Variants in ARRB1 observed in about 807,000 individuals in gnomAD.
The protein encoded by ARRB1 is beta-arrestin-1.
Under a neutral mutation model 56.8 loss-of-function variants are expected in ARRB1, and 21 were observed. The ratio of observed to expected loss-of-function variants is 0.37; its 90% CI spans 0.26 to 0.53. The LOEUF (loss-of-function observed/expected upper bound fraction) is 0.53, where lower values mean the gene tolerates loss of function less well. ARRB1 is among the 20% of genes least tolerant of loss of function. The pLI, the probability that ARRB1 is intolerant of heterozygous loss-of-function variation, is 0.88. For missense variants in ARRB1, 424 were observed against 553.7 expected, an observed-to-expected ratio of 0.77 and a Z score of 2.35; for synonymous variants, 210 against 218.6, an observed-to-expected ratio of 0.96 and a Z score of 0.35.
chr11:75,346,872 C>G (rs1487259422), intron 1 of ARRB1, among the ~76,000 whole-genome samples: 2 of 152,212 alleles, frequency 1.3e-5, no homozygotes, highest in African/African-American at 2.4e-5. Flanking sequence ...GGATCCAGAC[C>G]CTTCTATGCA....
At chr11:75,272,691 G>T (rs1363040615) in intron 12 of ARRB1, 1 of 577,312 alleles carries the variant, frequency 1.7e-6, no homozygotes, top group Non-Finnish European at 3.1e-6. Flanking sequence ...TAAGAGAGGG[G>T]CTGAGGGCCA....
intron 2 of ARRB1, among the ~76,000 whole-genome samples, chr11:75,288,313 T>A (rs1174239356): frequency 6.6e-6 from 1 of 152,244 alleles, no homozygotes; most frequent in Non-Finnish European, 1.5e-5. Flanking sequence ...TGTGAGGACT[T>A]GCCTTCTGAG....
At chr11:75,349,234 G>A (rs554975106) in intron 1 of ARRB1, among the ~76,000 whole-genome samples, 4 of 152,302 alleles carry the variant, frequency 2.6e-5, no homozygotes, top group South Asian at 4.1e-4. Flanking sequence ...GGATTTAGCC[G>A]GGCCTTGGCT....
intron 9 of ARRB1, 64 bp from the exon 10 acceptor site, chr11:75,276,975 G>GTGTCC (rs1591903045): frequency 1.5e-6 from 2 of 1,323,920 alleles, no homozygotes; most frequent in Non-Finnish European, 2.1e-6. Flanking sequence ...AGTCTCACAG[G>GTGTCC]CGTCCCCGGG....
intron 1 of ARRB1, among the ~76,000 whole-genome samples, chr11:75,318,097 G>C (rs1947291689): frequency 6.7e-6 from 1 of 150,276 alleles, no homozygotes; most frequent in Non-Finnish European, 1.5e-5. Context: ...CCCAGTCCTA[G>C]AGTTCTGATT....
At chr11:75,299,237 TAA>T (rs199578338) in intron 1 of ARRB1, among the ~76,000 whole-genome samples, 5 of 140,312 alleles carry the variant, frequency 3.6e-5, no homozygotes, top group African/African-American at 1.3e-4. Flanking sequence ...ACATCTCAAT[TAA>T]AAAAAAAAAC....
At chr11:75,324,059 A>C (rs1947389383) in intron 1 of ARRB1, among the ~76,000 whole-genome samples, 1 of 152,234 alleles carries the variant, frequency 6.6e-6, no homozygotes, top group African/African-American at 2.4e-5. Flanking sequence ...CACAGCAAGA[A>C]GCACAAACAC....
rs747809952 is a variant in ARRB1, at chr11:75,264,522, C to T, written c.*1641G>A. 3 of 152,296 alleles carry T rather than the reference C, an allele frequency of 2.0e-5. No individual in the cohort carries two copies. The highest frequency in any genetic ancestry group is 4.4e-5 in the Non-Finnish European group (3 of 68,118). The allele number at this position is 152,296 out of a possible 1,614,324, so 9.4% of individuals were successfully genotyped here. On this transcript the variant is annotated 3_prime_UTR_variant, in exon 16 of 16. Transcript: ENST00000420843. The stretch of plus-strand genomic sequence containing the variant: ...TCTGTCCCTCCTTGGGCAACTCATG[C>T]TACCTATGGCCACAGCCTGACATCA...
At chr11:75,307,915 T>C (rs1947066856) in intron 1 of ARRB1, among the ~76,000 whole-genome samples, 1 of 152,198 alleles carries the variant, frequency 6.6e-6, no homozygotes, top group Non-Finnish European at 1.5e-5. Flanking sequence ...GTGACCCAGA[T>C]GGGTATCCAC....
intron 14 of ARRB1, 72 bp from the exon 15 acceptor site, chr11:75,267,775 GC>G: frequency 7.4e-7 from 1 of 1,354,720 alleles, no homozygotes; most frequent in Admixed American, 1.8e-5. Context: ...GTAAGCACAG[GC>G]CCCCACCCTG....
intron 1 of ARRB1, among the ~76,000 whole-genome samples, chr11:75,332,273 A>T (rs1947534092): frequency 1.3e-5 from 2 of 152,228 alleles, no homozygotes; most frequent in Admixed American, 6.5e-5. Context: ...AGAAAATCAG[A>T]ATATTTTATC....
chr11:75,283,205 C>T (rs1946388211), intron 5 of ARRB1, 82 bp downstream of exon 5: 1 of 1,428,548 alleles, frequency 7.0e-7, no homozygotes, highest in Non-Finnish European at 9.5e-7. Context: ...AGCTGACCCT[C>T]ACCGCCCTCT....
intron 1 of ARRB1, among the ~76,000 whole-genome samples, chr11:75,310,120 C>A (rs1317774162): frequency 6.6e-6 from 1 of 152,120 alleles, no homozygotes; most frequent in Non-Finnish European, 1.5e-5. Flanking sequence ...GGGAGAACTG[C>A]GCAAATGGAA....
intron 11 of ARRB1, 34 bp from the exon 12 acceptor site, chr11:75,273,012 C>A (rs1946105272): frequency 1.9e-6 from 3 of 1,604,688 alleles, no homozygotes; most frequent in South Asian, 2.2e-5. Context: ...AGTTCAGGGG[C>A]CTTGCCAGGT....
At chr11:75,331,789 A>G (rs1591983054) in intron 1 of ARRB1, among the ~76,000 whole-genome samples, 1 of 151,316 alleles carries the variant, frequency 6.6e-6, no homozygotes, top group Non-Finnish European at 1.5e-5. Flanking sequence ...CACGGACTCG[A>G]GTGAAACTCA....
At chr11:75,339,276 G>C in intron 1 of ARRB1, among the ~76,000 whole-genome samples, 1 of 152,348 alleles carries the variant, frequency 6.6e-6, no homozygotes, top group African/African-American at 2.4e-5. Context: ...GTAGACCCTG[G>C]TTTCCAATGG....
intron 1 of ARRB1, among the ~76,000 whole-genome samples, chr11:75,309,643 G>T (rs929650651): frequency 3.9e-5 from 6 of 152,184 alleles, no homozygotes; most frequent in Middle Eastern, 3.2e-3. Flanking sequence ...CTCACAGGAG[G>T]CTAGGTAGGT....
chr11:75,284,625 C>A (rs1946430484), intron 3 of ARRB1, among the ~76,000 whole-genome samples: 1 of 152,054 alleles, frequency 6.6e-6, no homozygotes, highest in Non-Finnish European at 1.5e-5. Flanking sequence ...CAAAATGGGC[C>A]GGGCGTGGTG....
chr11:75,335,792 G>A (rs1947593158), intron 1 of ARRB1, among the ~76,000 whole-genome samples: 1 of 152,156 alleles, frequency 6.6e-6, no homozygotes, highest in African/African-American at 2.4e-5. Flanking sequence ...TCAAACATTT[G>A]TAGGGTATGA....
Sources: allele counts gnomAD v4.1 joint callset (sites outside exome capture counted in the v4.1 genomes callset), GRCh38; gene constraint gnomAD v4.1.1; transcripts MANE v1.5; gene names NCBI Gene and HGNC (gene_info 2026-07-23, HGNC 2026-07-21).